Variants in OPCML observed in about 807,000 individuals in gnomAD.
OPCML encodes the protein opioid-binding protein/cell adhesion molecule.
A neutral mutation model predicts 37.8 loss-of-function variants in OPCML; 13 were observed. The observed-to-expected ratio is 0.34, with a 90% CI of 0.22 to 0.55. OPCML has a LOEUF of 0.55. Among genes scored for constraint, OPCML ranks in the 20% least tolerant of loss-of-function variants. The pLI is 0.91. For missense variants in OPCML, 341 were observed against 435.6 expected (o/e 0.78, Z 1.93); for synonymous variants, 176 against 168.8 (o/e 1.04, Z -0.33).
intron 4 of OPCML, 129 bp downstream of exon 4, chr11:132,528,932 G>T (rs2096315994): frequency 8.6e-6 from 5 of 583,914 alleles, no homozygotes; most frequent in East Asian, 8.5e-5. Context: ...AGCAATTGGT[G>T]CATATTGCCT....
At chr11:132,715,225 G>C (rs1000679797) in intron 2 of OPCML, among the ~76,000 whole-genome samples, 1 of 152,160 alleles carries the variant, frequency 6.6e-6, no homozygotes, top group Non-Finnish European at 1.5e-5. Flanking sequence ...TAGTTTAACT[G>C]GCTCACTCAC....
chr11:132,423,289 G>A (rs1382079907), intron 7 of OPCML, among the ~76,000 whole-genome samples: 2 of 152,182 alleles, frequency 1.3e-5, no homozygotes, highest in African/African-American at 4.8e-5. Flanking sequence ...AAATGCCATA[G>A]CAATTTACTG....
At chr11:132,844,958 A>AAC (rs904137672) in intron 2 of OPCML, among the ~76,000 whole-genome samples, 6 of 151,460 alleles carry the variant, frequency 4.0e-5, no homozygotes, top group Non-Finnish European at 8.9e-5. Flanking sequence ...AAAAAAAAAA[A>AAC]AAACCTATTT....
chr11:132,461,706 A>T (rs2096102521), intron 4 of OPCML, among the ~76,000 whole-genome samples: 1 of 152,174 alleles, frequency 6.6e-6, no homozygotes, highest in Admixed American at 6.5e-5. Flanking sequence ...TAAAAGAAAG[A>T]GGTTTAATTG....
intron 1 of OPCML, among the ~76,000 whole-genome samples, chr11:133,000,754 A>G (rs1388001528): frequency 1.3e-5 from 2 of 152,206 alleles, no homozygotes; most frequent in Non-Finnish European, 2.9e-5. Flanking sequence ...TTGGCTTAAT[A>G]TGGTTTGTCC....
At chr11:133,077,649 T>A (rs1270400306) in intron 1 of OPCML, among the ~76,000 whole-genome samples, 1 of 152,084 alleles carries the variant, frequency 6.6e-6, no homozygotes, top group Admixed American at 6.5e-5. Context: ...ACAAGAAATA[T>A]GTTAACAGTC....
intron 4 of OPCML, among the ~76,000 whole-genome samples, chr11:132,449,171 C>T (rs1175626358): frequency 6.6e-6 from 1 of 152,208 alleles, no homozygotes. Context: ...TTCAAGGTAG[C>T]TCTCATCTGT....
chr11:133,179,754 G>T (rs74967213), intron 1 of OPCML, among the ~76,000 whole-genome samples: 2,842 of 152,262 alleles, frequency 0.019, 95 homozygotes, highest in African/African-American at 0.065. Flanking sequence ...ACTACACCTC[G>T]AAGGTAAGGT....
chr11:133,120,936 T>C (rs1407017984), intron 1 of OPCML, among the ~76,000 whole-genome samples: 3 of 152,094 alleles, frequency 2.0e-5, no homozygotes, highest in Admixed American at 6.6e-5. Flanking sequence ...TATTAATTCT[T>C]TTTTTAGACG....
At chr11:133,346,866 C>G (rs1413817295) in intron 1 of OPCML, among the ~76,000 whole-genome samples, 2 of 152,024 alleles carry the variant, frequency 1.3e-5, no homozygotes, top group African/African-American at 4.8e-5. Context: ...TTTGTTGTTT[C>G]TGTGTGAGTT....
intron 2 of OPCML, among the ~76,000 whole-genome samples, chr11:132,928,447 T>G (rs578039787): frequency 6.6e-6 from 1 of 152,056 alleles, no homozygotes; most frequent in East Asian, 1.9e-4. Context: ...ACATATATAC[T>G]AAATAGCAGA....
At chr11:132,552,638 A>G (rs377484250) in intron 3 of OPCML, among the ~76,000 whole-genome samples, 9 of 152,266 alleles carry the variant, frequency 5.9e-5, no homozygotes, top group African/African-American at 1.9e-4. Flanking sequence ...CTGCGTCTAG[A>G]ACATATTTAT....
intron 1 of OPCML, among the ~76,000 whole-genome samples, chr11:133,318,686 ATTTAGT>A (rs1255193301): frequency 6.6e-6 from 1 of 152,156 alleles, no homozygotes; most frequent in Non-Finnish European, 1.5e-5. Context: ...ACCCTGTCGC[ATTTAGT>A]GCAGTAATGA....
chr11:132,440,832 A>G (rs1592177786), intron 4 of OPCML, among the ~76,000 whole-genome samples: 1 of 152,332 alleles, frequency 6.6e-6, no homozygotes, highest in Non-Finnish European at 1.5e-5. Flanking sequence ...TTTAAAGCAG[A>G]ATGAATCTAG....
chr11:133,062,104 G>A (rs562976981), intron 1 of OPCML, among the ~76,000 whole-genome samples: 40 of 152,342 alleles, frequency 2.6e-4, no homozygotes, highest in Non-Finnish European at 4.1e-4. Context: ...AAGGGTATAT[G>A]TTGTGCTAAT....
intron 1 of OPCML, among the ~76,000 whole-genome samples, chr11:133,426,425 G>A (rs568778112): frequency 4.1e-4 from 62 of 152,262 alleles, no homozygotes; most frequent in South Asian, 8.3e-4. Context: ...AGCAGACACA[G>A]AGATACTCTA....
At chr11:133,024,471 G>A (rs1052011716) in intron 1 of OPCML, 1 of 985,056 alleles carries the variant, frequency 1.0e-6, no homozygotes, top group African/African-American at 1.7e-5. Context: ...TCACACAGCA[G>A]AGGGGCAGGT....
chr11:133,482,322 C>A (rs1329196827), intron 1 of OPCML, among the ~76,000 whole-genome samples: 1 of 152,160 alleles, frequency 6.6e-6, no homozygotes, highest in Non-Finnish European at 1.5e-5. Context: ...AGGCAGCAGA[C>A]AACATGGAGT....
intron 1 of OPCML, among the ~76,000 whole-genome samples, chr11:133,224,639 C>A (rs560348554): frequency 1.7e-4 from 26 of 152,222 alleles, no homozygotes; most frequent in African/African-American, 6.0e-4. Flanking sequence ...CTTCCTTCCC[C>A]AGGCCTGTGG....
Sources: gnomAD v4.1 joint callset for allele counts (sites outside exome capture counted in the v4.1 genomes callset) on GRCh38, gnomAD v4.1.1 for gene constraint, MANE v1.5 for transcripts, NCBI Gene and HGNC (gene_info 2026-07-23, HGNC 2026-07-21) for gene names.